The following LRRC7 variants were observed in gnomAD, a reference collection of about 807,000 sequenced individuals.
The protein encoded by LRRC7 is leucine-rich repeat-containing protein 7.
Under a neutral mutation model 175.7 loss-of-function variants are expected in LRRC7, and 23 were observed. The observed-to-expected ratio is 0.13, with a 90% CI of 0.09 to 0.19. The LOEUF (loss-of-function observed/expected upper bound fraction) is 0.19, where lower values mean the gene tolerates loss of function less well. Among genes scored for constraint, LRRC7 ranks in the 10% least tolerant of loss-of-function variants. LRRC7 has a pLI of 1.00. For synonymous variants in LRRC7, 685 were observed against 680.9 expected, an observed-to-expected ratio of 1.01 and a Z score of -0.09; for missense variants, 1,354 against 1,904.7, an observed-to-expected ratio of 0.71 and a Z score of 5.38.
chr1:69,694,399 A>G (rs1323840102), intron 2 of LRRC7, among the ~76,000 whole-genome samples: 3 of 152,140 alleles, frequency 2.0e-5, no homozygotes, highest in African/African-American at 7.2e-5. Flanking sequence ...TGTTATCCAT[A>G]GCTTTAAAAG....
Position 69,678,413 on chromosome 1 carries a change from C to T in LRRC7, c.35C>T (p.Pro12Leu), listed in dbSNP as rs753073868. The change falls in exon 2 of 27, where the codon CCG (proline) becomes CTG (leucine). Residue 12 changes from proline (P) to leucine (L), a missense_variant. By Grantham distance (98) the Pro-to-Leu change is moderately conservative (BLOSUM62 -3). Coordinates refer to ENST00000651989, the MANE Select transcript of LRRC7 (RefSeq NM_001370785.2). ...AACCTAATAAGGGGAAGGAATCCCC[C>T]GCAATACCAGAGAAGTCCTTGTAAA... ...MENLIRGRNP[P>L]QYQRSPCKEV... is the part of the protein sequence containing the mutation. 18 of 1,603,266 alleles carry T rather than the reference C, an allele frequency of 1.1e-5. No homozygotes were observed. Among genetic ancestry groups the T allele is most frequent in the East Asian group, 6.7e-5 (3 of 44,604 alleles).
In LRRC7 at chr1:70,100,883, T is replaced by C. The variant is rs1251957491; in HGVS notation, c.4546-6869T>C. Among the ~76,000 whole-genome samples the C allele has an allele frequency of 2.0e-5, 3 of 152,236 alleles. No homozygotes were observed. In the South Asian group the frequency reaches 6.2e-4, roughly 32 times the overall value. On this transcript the variant is annotated intron_variant, in intron 25 of 26. Coordinates refer to ENST00000651989, the MANE Select transcript of LRRC7 (RefSeq NM_001370785.2). ...CATATAAATTTATCAGTTGCTAAGG[T>C]AGCAAATTATTCAAAGCGTAAAACT...
chr1:69,591,242 G>A (rs907656700), intron 1 of LRRC7, among the ~76,000 whole-genome samples: 1 of 152,044 alleles, frequency 6.6e-6, no homozygotes. Flanking sequence ...ACAAAAACGT[G>A]ACAATCAATG....
chr1:70,101,223 T>C lies in LRRC7; in HGVS notation c.4546-6529T>C, dbSNP rs563089157. On this transcript the variant is annotated intron_variant, in intron 25 of 26. Transcript: ENST00000651989. ...TCAGTTTTGCCTCTAGAAACACTCT[T>C]TGAACTTCCATAGTTATATGAAAGC... 2.6e-4 allele frequency among the ~76,000 whole-genome samples: 39 copies of C among 152,322 alleles called. No individual in the cohort carries two copies. The South Asian group carries it at 7.9e-3, about 31-fold the overall frequency.
chr1:70,117,847 CAT>C (rs1665959677), intron 26 of LRRC7, among the ~76,000 whole-genome samples: 3 of 151,966 alleles, frequency 2.0e-5, no homozygotes, highest in African/African-American at 4.8e-5. Flanking sequence ...TTATATAAAA[CAT>C]ATAGGTAGCC....
chr1:70,033,788 C>T (rs901135183), intron 18 of LRRC7, among the ~76,000 whole-genome samples: 9 of 152,032 alleles, frequency 5.9e-5, no homozygotes, highest in African/African-American at 2.2e-4. Context: ...AAGCAAAACC[C>T]ATAATTATGT....
rs59753448 is a variant in LRRC7, at chr1:69,781,912, AG to A, written c.304-10130del. On this transcript the variant is annotated intron_variant, in intron 3 of 26. Coordinates refer to ENST00000651989, the MANE Select transcript of LRRC7 (RefSeq NM_001370785.2). ...AAGGAAGGAAGGGAAAGAAAGAAAA[AG>A]AAGAAAGAAAGAAAGAAAGAAAGAA... Among the ~76,000 whole-genome samples the A allele has an allele frequency of 6.9e-3, 813 of 117,008 alleles. 29 individuals carry two copies. The highest frequency in any genetic ancestry group is 9.0e-3 in the Non-Finnish European group (507 of 56,254). 76.8% of individuals were successfully genotyped at this position (117,008 alleles called of 152,430 possible). A position where few individuals can be genotyped will look rare whatever the true frequency, so the allele number is the denominator to read the frequency against.
chr1:70,066,541 G>A (rs1006660917), intron 23 of LRRC7, among the ~76,000 whole-genome samples: 4 of 151,950 alleles, frequency 2.6e-5, no homozygotes, highest in African/African-American at 9.7e-5. Flanking sequence ...ATTCATTCAG[G>A]TGTTGTATGT....
At chr1:69,850,148 TG>T (rs1192945408) in intron 7 of LRRC7, among the ~76,000 whole-genome samples, 1 of 151,756 alleles carries the variant, frequency 6.6e-6, no homozygotes, top group African/African-American at 2.4e-5. Context: ...CATGTAGATT[TG>T]AATGGTAGGA....
At chr1:69,967,907 C>CA (rs966454699) in intron 8 of LRRC7, among the ~76,000 whole-genome samples, 7 of 151,918 alleles carry the variant, frequency 4.6e-5, no homozygotes, top group East Asian at 3.9e-4. Context: ...TTAACACCCC[C>CA]AAAAAATCAC....
intron 26 of LRRC7, among the ~76,000 whole-genome samples, chr1:70,120,953 A>C (rs1666173788): frequency 6.6e-6 from 1 of 152,076 alleles, no homozygotes; most frequent in African/African-American, 2.4e-5. Flanking sequence ...CATTCCAATC[A>C]AGACAATCTG....
chr1:69,725,340 A>G (rs1196386143), intron 2 of LRRC7, among the ~76,000 whole-genome samples: 1 of 152,140 alleles, frequency 6.6e-6, no homozygotes, highest in Non-Finnish European at 1.5e-5. Context: ...GGCCCGTACA[A>G]TTCAAACCTG....
At chr1:69,622,056 C>A (rs1162019124) in intron 1 of LRRC7, among the ~76,000 whole-genome samples, 2 of 152,178 alleles carry the variant, frequency 1.3e-5, no homozygotes, top group African/African-American at 4.8e-5. Flanking sequence ...TGAAATTAGA[C>A]TAGTAACTTC....
intron 7 of LRRC7, among the ~76,000 whole-genome samples, chr1:69,844,677 G>A (rs555768327): frequency 1.3e-5 from 2 of 152,094 alleles, no homozygotes; most frequent in East Asian, 1.9e-4. Context: ...AAGATCCCGG[G>A]GTGAGTTCCT....
chr1:70,023,082 G>A, intron 16 of LRRC7, 44 bp from the exon 17 acceptor site: 1 of 1,402,506 alleles, frequency 7.1e-7, no homozygotes, highest in Admixed American at 2.6e-5. Context: ...TATTGCTACA[G>A]TGCTCCTCTT....
At chr1:69,853,393 G>A (rs1011590144) in intron 7 of LRRC7, among the ~76,000 whole-genome samples, 12 of 146,262 alleles carry the variant, frequency 8.2e-5, no homozygotes, top group East Asian at 6.2e-4. Flanking sequence ...ATTCTCCTGC[G>A]TCAGCCTCCC....
intron 11 of LRRC7, among the ~76,000 whole-genome samples, chr1:70,000,273 G>C (rs1655403235): frequency 6.6e-6 from 1 of 152,066 alleles, no homozygotes; most frequent in East Asian, 1.9e-4. Flanking sequence ...TTATAATACT[G>C]TATTTTTACT....
At chr1:69,705,594 A>T (rs1663936803) in intron 2 of LRRC7, among the ~76,000 whole-genome samples, 1 of 152,158 alleles carries the variant, frequency 6.6e-6, no homozygotes, top group African/African-American at 2.4e-5. Context: ...GCATTTTGGA[A>T]GAAATCTTGA....
chr1:69,791,758 C>T (rs1675144949), intron 3 of LRRC7, among the ~76,000 whole-genome samples: 1 of 151,824 alleles, frequency 6.6e-6, no homozygotes, highest in South Asian at 2.1e-4. Context: ...AAAAAGCAGT[C>T]AGTGGGGGAT....
Sources: gnomAD v4.1 joint callset for allele counts (sites outside exome capture counted in the v4.1 genomes callset) on GRCh38, gnomAD v4.1.1 for gene constraint, MANE v1.5 for transcripts, NCBI Gene and HGNC (gene_info 2026-07-23, HGNC 2026-07-21) for gene names.